Variants in CIMIP2A observed in about 807,000 individuals in gnomAD.
The protein encoded by CIMIP2A is ciliary microtubule inner protein 2A, also known as family with sequence similarity 166 member A.
the CIMIP2A span, chr9:137,244,621 C>A: frequency 1.2e-6 from 2 of 1,612,896 alleles, no homozygotes; most frequent in South Asian, 2.2e-5. Context: ...TGGGAGCAGG[C>A]CCTGGATGGC....
At chr9:137,252,766 C>T in the CIMIP2A span, 1 of 1,561,258 alleles carries the variant, frequency 6.4e-7, no homozygotes, top group South Asian at 1.2e-5. Context: ...GCCACACCCA[C>T]CTAGGGCTGC....
the CIMIP2A span, chr9:137,245,494 T>C: frequency 1.3e-5 from 21 of 1,613,720 alleles, no homozygotes; most frequent in Admixed American, 2.2e-4. Context: ...TGGCGGCTCC[T>C]GGGCGTCCAC....
chr9:137,244,908 G>C, the CIMIP2A span: 8 of 1,591,630 alleles, frequency 5.0e-6, no homozygotes, highest in Non-Finnish European at 6.8e-6. Flanking sequence ...GCACCGCCTC[G>C]TCTTGGGAAA....
the CIMIP2A span, chr9:137,244,958 C>T: frequency 6.2e-7 from 1 of 1,603,322 alleles, no homozygotes. Flanking sequence ...AGAGGAGGTC[C>T]CCCCAGGCCG....
chr9:137,251,144 G>A, the CIMIP2A span: 1 of 688,514 alleles, frequency 1.5e-6, no homozygotes, highest in African/African-American at 1.8e-5. Flanking sequence ...AGTGGGGGAG[G>A]GGCCCACCAG....
the CIMIP2A span, among the ~76,000 whole-genome samples, chr9:137,248,822 C>A: frequency 6.6e-6 from 1 of 151,980 alleles, no homozygotes; most frequent in Admixed American, 6.6e-5. Context: ...GAGCTGAGAT[C>A]GCACCGCTGC....
At chr9:137,252,428 C>T in the CIMIP2A span, 2 of 1,608,204 alleles carry the variant, frequency 1.2e-6, no homozygotes, top group Non-Finnish European at 1.7e-6. Flanking sequence ...CTCCATCCTC[C>T]AACTACAGAG....
the CIMIP2A span, chr9:137,252,076 C>CCGTA: frequency 1.2e-6 from 2 of 1,612,900 alleles, no homozygotes; most frequent in Admixed American, 3.3e-5. Flanking sequence ...CCGAGCCCGT[C>CCGTA]CGTACGAGAG....
chr9:137,253,069 T>A, the CIMIP2A span: 4 of 1,541,300 alleles, frequency 2.6e-6, no homozygotes, highest in African/African-American at 5.5e-5. Context: ...CAGGTTTGAG[T>A]TGGGGCTGCT....
the CIMIP2A span, chr9:137,252,268 A>G: frequency 5.8e-6 from 8 of 1,369,204 alleles, no homozygotes; most frequent in Admixed American, 1.3e-4. Flanking sequence ...CTCTAGGCTC[A>G]GCACCTGTAA....
the CIMIP2A span, chr9:137,250,990 A>G: frequency 2.4e-6 from 1 of 408,690 alleles, no homozygotes; most frequent in Admixed American, 3.7e-5. Context: ...GACCTGCTAG[A>G]GTGGACCCCA....
At chr9:137,246,742 A>G in the CIMIP2A span, among the ~76,000 whole-genome samples, 3 of 152,080 alleles carry the variant, frequency 2.0e-5, no homozygotes, top group Non-Finnish European at 4.4e-5. Flanking sequence ...CAGCCTGGGC[A>G]ACAGAGCGAG....
the CIMIP2A span, chr9:137,252,665 C>A: frequency 3.2e-6 from 5 of 1,543,672 alleles, no homozygotes; most frequent in South Asian, 1.2e-5. Flanking sequence ...CTCGCAGTGG[C>A]CCTCGCCAGC....
the CIMIP2A span, chr9:137,245,466 G>T: frequency 1.6e-4 from 262 of 1,613,942 alleles, no homozygotes; most frequent in African/African-American, 3.0e-3. Flanking sequence ...GAATCTGTCT[G>T]GGTATGTTCT....
chr9:137,249,297 C>T, the CIMIP2A span, among the ~76,000 whole-genome samples: 1 of 152,214 alleles, frequency 6.6e-6, no homozygotes, highest in Non-Finnish European at 1.5e-5. Context: ...AGAAGGGCCT[C>T]TAATTTGGGT....
chr9:137,251,239 G>A, the CIMIP2A span: 3 of 1,265,902 alleles, frequency 2.4e-6, no homozygotes, highest in Non-Finnish European at 3.5e-6. Flanking sequence ...TACCAGTGAG[G>A]TCACAGAGCT....
chr9:137,248,181 G>T, the CIMIP2A span, among the ~76,000 whole-genome samples: 1 of 152,188 alleles, frequency 6.6e-6, no homozygotes, highest in Non-Finnish European at 1.5e-5. Context: ...GGCGCAGGGT[G>T]TTATGTTTAC....
the CIMIP2A span, chr9:137,244,134 C>A: frequency 3.8e-6 from 6 of 1,593,516 alleles, no homozygotes; most frequent in Non-Finnish European, 5.2e-6. Context: ...CCACATTGGC[C>A]GGGGTGTGTC....
the CIMIP2A span, chr9:137,245,617 G>A: frequency 6.2e-7 from 1 of 1,611,708 alleles, no homozygotes; most frequent in South Asian, 1.1e-5. Flanking sequence ...GGAGGGTGCA[G>A]GGCTGGGGAC....
Sources: allele counts gnomAD v4.1 joint callset (sites outside exome capture counted in the v4.1 genomes callset), GRCh38; gene constraint gnomAD v4.1.1; transcripts MANE v1.5; gene names NCBI Gene and HGNC (gene_info 2026-07-23, HGNC 2026-07-21).